Variants in LUC7L2 observed in about 807,000 individuals in gnomAD.
The protein encoded by LUC7L2 is LUC7 like 2, pre-mRNA splicing factor, also known as putative RNA-binding protein Luc7-like 2.
In LUC7L2, 25 loss-of-function variants were observed where a neutral mutation model predicts 52.8. That is an observed-to-expected ratio of 0.47 (90% confidence interval 0.34 to 0.66). The LOEUF (loss-of-function observed/expected upper bound fraction) is 0.66. Ranked by LOEUF, LUC7L2 falls within the 30% of genes least tolerant of loss-of-function variation. The probability of loss-of-function intolerance (pLI) is 0.01; values close to 1 mark genes in which losing one functional copy is unlikely to be tolerated. For synonymous variants in LUC7L2, 144 were observed against 160.9 expected (o/e 0.89, Z 0.80); for missense variants, 328 against 497.8 (o/e 0.66, Z 3.25).
At chr7:139,394,742 T>G (rs775826778) in intron 2 of LUC7L2, among the ~76,000 whole-genome samples, 7 of 152,168 alleles carry the variant, frequency 4.6e-5, no homozygotes, top group Non-Finnish European at 1.0e-4. Context: ...AATGACTTAC[T>G]GAAAAATATT....
chr7:139,372,274 T>C (rs533978008), intron 1 of LUC7L2, among the ~76,000 whole-genome samples: 1 of 152,264 alleles, frequency 6.6e-6, no homozygotes, highest in East Asian at 1.9e-4. Flanking sequence ...CACTAAAAAT[T>C]TGGATTAAAA....
chr7:139,360,141 C>A lies in LUC7L2; in HGVS notation c.-121C>A, dbSNP rs1371936814. ...CCTCCGGCTCCCTTTCCGCACGCCTCGAGGCGGCGGCGGCCACCGAGACAG... is the reference window on the plus strand; with the variant it reads ...CCTCCGGCTCCCTTTCCGCACGCCTAGAGGCGGCGGCGGCCACCGAGACAG... On this transcript the variant is annotated 5_prime_UTR_variant, in exon 1 of 10. Coordinates refer to ENST00000354926, the MANE Select transcript of LUC7L2 (RefSeq NM_016019.5). 4 of 656,104 alleles carry A rather than the reference C, an allele frequency of 6.1e-6. No individual in the cohort carries two copies. Among genetic ancestry groups the A allele is most frequent in the East Asian group, 3.2e-5 (1 of 31,672 alleles). The allele number at this position is 656,104 out of a possible 1,614,324, so 40.6% of individuals were successfully genotyped here. A position where few individuals can be genotyped will look rare whatever the true frequency, so the allele number is the denominator to read the frequency against.
At chr7:139,343,233 A>C (rs978776940) in intron 1 of LUC7L2, among the ~76,000 whole-genome samples, 4 of 152,208 alleles carry the variant, frequency 2.6e-5, no homozygotes, top group African/African-American at 9.7e-5. Flanking sequence ...ATGATTTGTT[A>C]ATGCTTGACA....
chr7:139,367,158 G>A (rs187068202), intron 1 of LUC7L2, among the ~76,000 whole-genome samples: 115 of 152,104 alleles, frequency 7.6e-4, no homozygotes, highest in Admixed American at 5.6e-3. Flanking sequence ...TTTTAGTAGA[G>A]ATGAGGTTTT....
At chr7:139,342,483 G>C (rs1003792360) in intron 1 of LUC7L2, among the ~76,000 whole-genome samples, 1 of 152,112 alleles carries the variant, frequency 6.6e-6, no homozygotes, top group Admixed American at 6.5e-5. Context: ...TAGATGAAGT[G>C]GTAGGCCGAA....
chr7:139,400,965 T>C (rs1480471966), intron 3 of LUC7L2, among the ~76,000 whole-genome samples: 2 of 152,248 alleles, frequency 1.3e-5, no homozygotes, highest in Admixed American at 1.3e-4. Context: ...CTGAATAAAT[T>C]TGTATTTTTA....
chr7:139,396,035 C>T (rs899847734), intron 2 of LUC7L2, among the ~76,000 whole-genome samples: 2 of 152,238 alleles, frequency 1.3e-5, no homozygotes, highest in African/African-American at 4.8e-5. Context: ...GAATTATTTC[C>T]TTAATATCCT....
intron 5 of LUC7L2, among the ~76,000 whole-genome samples, chr7:139,406,656 T>A (rs1174991659): frequency 1.3e-5 from 2 of 152,032 alleles, no homozygotes; most frequent in African/African-American, 4.8e-5. Flanking sequence ...GCCTGGCCTG[T>A]TTTTTTGTTG....
intron 1 of LUC7L2, among the ~76,000 whole-genome samples, chr7:139,363,632 A>G (rs1483750457): frequency 1.3e-5 from 2 of 152,234 alleles, no homozygotes; most frequent in Admixed American, 1.3e-4. Flanking sequence ...ATGATTCATT[A>G]CGTTTTATAA....
chr7:139,422,085 C>G (rs1795933570), intron 9 of LUC7L2, 78 bp from the exon 10 acceptor site: 1 of 1,503,474 alleles, frequency 6.7e-7, no homozygotes, highest in Admixed American at 2.4e-5. Context: ...CTATCAAGAG[C>G]TTAATATTTA....
Position 139,407,000 on chromosome 7 carries a change from G to GTTTTTTTT in LUC7L2, c.511-174_511-173insTTTTTTTT, listed in dbSNP as rs779013466. ...CATAACAAAATAGCCATGCTTTTGT[G>GTTTTTTTT]GTTTTTTTTTTTTTTTTTTTTTGAG... On this transcript the variant is annotated intron_variant, in intron 5 of 9. Coordinates refer to ENST00000354926, the MANE Select transcript of LUC7L2 (RefSeq NM_016019.5). 2.3e-3 allele frequency among the ~76,000 whole-genome samples: 261 copies of GTTTTTTTT among 111,570 alleles called. 25 individuals are homozygous for GTTTTTTTT. The highest frequency in any genetic ancestry group is 8.3e-3 in the African/African-American group (222 of 26,590). 73.2% of individuals were successfully genotyped at this position (111,570 alleles called of 152,430 possible). A position where few individuals can be genotyped will look rare whatever the true frequency, so the allele number is the denominator to read the frequency against.
At chr7:139,371,546 G>T in intron 1 of LUC7L2, 2 of 1,423,582 alleles carry the variant, frequency 1.4e-6, no homozygotes, top group Non-Finnish European at 1.9e-6. Context: ...GGGAGGGAGA[G>T]GGTGGGTAGT....
chr7:139,422,276 A>G lies in LUC7L2; in HGVS notation c.1115A>G (p.Glu372Gly). ...RDRKDKKRSYESANGRSEDRR... is the reference protein window; with the variant it reads ...RDRKDKKRSYGSANGRSEDRR... ...CGGAAAGATAAGAAGCGGTCCTATGAGAGTGCTAATGGCAGATCAGAAGAC... is the reference window on the plus strand; with the variant it reads ...CGGAAAGATAAGAAGCGGTCCTATGGGAGTGCTAATGGCAGATCAGAAGAC... The change falls in exon 10 of 10, where the codon GAG becomes GGG. Residue 372 changes from glutamate to glycine, a missense_variant. Glu to Gly is a moderately conservative substitution (Grantham distance 98). This residue lies in a region of LUC7L2 where 195 missense variants were observed against 223.3 expected (regional missense o/e 0.87). Transcript: ENST00000354926. 1 of 1,614,240 alleles carries G rather than the reference A, an allele frequency of 6.2e-7. No individual in the cohort carries two copies. The highest frequency in any genetic ancestry group is 8.5e-7 in the Non-Finnish European group (1 of 1,180,046).
rs576545998 is a variant in LUC7L2 at position 139,396,331 on chromosome 7, C to T, written c.157-2268C>T. ...GGGGACGGTGGTCCCAGCTACTTGT[C>T]GGGGAGGGGTGCTTAGGTGGGAGGA... On this transcript the variant is annotated intron_variant, in intron 2 of 9. Coordinates refer to ENST00000354926, the MANE Select transcript of LUC7L2 (RefSeq NM_016019.5). 1.6e-3 allele frequency among the ~76,000 whole-genome samples: 239 copies of T among 151,476 alleles called. 1 individual carries two copies. The highest frequency in any genetic ancestry group is 5.4e-3 in the African/African-American group (221 of 41,270).
chr7:139,385,774 T>C (rs1248950381), intron 2 of LUC7L2, among the ~76,000 whole-genome samples: 1 of 152,234 alleles, frequency 6.6e-6, no homozygotes, highest in Non-Finnish European at 1.5e-5. Context: ...ACAATGAGTC[T>C]CAATAAATGC....
chr7:139,375,250 A>G, intron 1 of LUC7L2: 1 of 984,868 alleles, frequency 1.0e-6, no homozygotes. Flanking sequence ...GCCATATTTG[A>G]TAAGCAGGTT....
At chr7:139,380,498 G>C (rs996256920) in intron 2 of LUC7L2, among the ~76,000 whole-genome samples, 7 of 152,206 alleles carry the variant, frequency 4.6e-5, no homozygotes, top group African/African-American at 1.4e-4. Flanking sequence ...TGCTCGGGAG[G>C]CTGAGGCAGG....
intron 1 of LUC7L2, among the ~76,000 whole-genome samples, chr7:139,373,115 A>G (rs1443446532): frequency 6.6e-6 from 1 of 152,216 alleles, no homozygotes; most frequent in Non-Finnish European, 1.5e-5. Flanking sequence ...TGTTTTACCT[A>G]GTTTCTTATG....
chr7:139,390,480 C>T (rs535021159), intron 2 of LUC7L2, among the ~76,000 whole-genome samples: 17 of 151,786 alleles, frequency 1.1e-4, no homozygotes, highest in South Asian at 2.1e-4. Flanking sequence ...CCACCTGCCT[C>T]GGCCTCCCAA....
Sources: allele counts gnomAD v4.1 joint callset (sites outside exome capture counted in the v4.1 genomes callset), GRCh38; gene constraint gnomAD v4.1.1; regional missense constraint gnomAD v4.1.1; transcripts MANE v1.5; gene names NCBI Gene and HGNC (gene_info 2026-07-23, HGNC 2026-07-21).